The following STRADB variants were observed in gnomAD, a reference collection of about 807,000 sequenced individuals.
STRADB encodes the protein STE20-related kinase adapter protein beta.
STRADB carries 34 observed loss-of-function variants against 52.1 expected under a neutral mutation model. The observed-to-expected ratio is 0.65, with a 90% CI of 0.50 to 0.87. The LOEUF is 0.87. Ranked by LOEUF, STRADB falls within the 40% of genes least tolerant of loss-of-function variation. The pLI is 0.00. For missense variants in STRADB, 340 were observed against 483.9 expected, an observed-to-expected ratio of 0.70 and a Z score of 2.79; for synonymous variants, 133 against 174.5, an observed-to-expected ratio of 0.76 and a Z score of 1.87.
chr2:201,471,377 G>A (rs777579905), intron 4 of STRADB, among the ~76,000 whole-genome samples: 133 of 152,256 alleles, frequency 8.7e-4, no homozygotes, highest in Non-Finnish European at 1.5e-3. Context: ...ATTTAGAATG[G>A]CCTCCACAAC....
intron 2 of STRADB, among the ~76,000 whole-genome samples, chr2:201,458,228 T>C (rs1312431633): frequency 6.6e-6 from 1 of 152,204 alleles, no homozygotes; most frequent in African/African-American, 2.4e-5. Context: ...AACCATGGGT[T>C]AATATGCAGA....
At chr2:201,471,661 A>G (rs1371622571) in intron 4 of STRADB, among the ~76,000 whole-genome samples, 1 of 152,190 alleles carries the variant, frequency 6.6e-6, no homozygotes, top group African/African-American at 2.4e-5. Context: ...AAAATGCCAA[A>G]TTTAAAACAA....
chr2:201,479,977 A>T (rs1433314494), intron 11 of STRADB, 55 bp from the exon 12 acceptor site: 1 of 1,589,790 alleles, frequency 6.3e-7, no homozygotes, highest in Admixed American at 1.7e-5. Flanking sequence ...ATTGCTAACA[A>T]AACTGATATA....
At chr2:201,452,779 C>CGCCCTTTGGTT (rs1369842782) in intron 1 of STRADB, among the ~76,000 whole-genome samples, 4 of 152,172 alleles carry the variant, frequency 2.6e-5, no homozygotes, top group African/African-American at 9.7e-5. Flanking sequence ...CTAGAAGATG[C>CGCCCTTTGGTT]GCCCTTTGGT....
chr2:201,474,675 G>A lies in STRADB; in HGVS notation c.344G>A (p.Arg115Gln), dbSNP rs767850258. ...GCCGTGATTCTATCCCACTTTTTCC[G>A]GCATCCCAATATTACAACTTATTGG... ...QKAVILSHFF[R>Q]HPNITTYWTV... Residue 115 changes from arginine to glutamine, a missense_variant, in exon 6 of 12, where the codon CGG becomes CAG. Arg to Gln is a conservative substitution (Grantham distance 43). Coordinates refer to ENST00000194530, the MANE Select transcript of STRADB (RefSeq NM_018571.6). 7 of 1,611,010 alleles carry A rather than the reference G, an allele frequency of 4.3e-6. No homozygotes were observed. Among genetic ancestry groups the A allele is most frequent in the East Asian group, 2.2e-5 (1 of 44,772 alleles).
At chr2:201,459,613 C>G (rs1481329328) in intron 3 of STRADB, among the ~76,000 whole-genome samples, 1 of 152,156 alleles carries the variant, frequency 6.6e-6, no homozygotes, top group African/African-American at 2.4e-5. Flanking sequence ...TGTCTCTCAC[C>G]TGGGCTCTTG....
chr2:201,454,710 T>C, intron 1 of STRADB, 36 bp from the exon 2 acceptor site: 1 of 859,754 alleles, frequency 1.2e-6, no homozygotes, highest in Non-Finnish European at 1.7e-6. Context: ...GGAACTTTTA[T>C]GTGAATCTAA....
intron 3 of STRADB, among the ~76,000 whole-genome samples, chr2:201,465,620 GGTCATGGGCCCCCCAA>G (rs564830772): frequency 9.2e-5 from 14 of 152,346 alleles, no homozygotes; most frequent in Middle Eastern, 3.4e-3. Context: ...TGTCTCACTA[GGTCATGGGCCCCCCAA>G]GTCCACTGGC....
intron 3 of STRADB, among the ~76,000 whole-genome samples, chr2:201,465,441 A>G (rs1050001211): frequency 6.6e-6 from 1 of 152,128 alleles, no homozygotes; most frequent in Non-Finnish European, 1.5e-5. Flanking sequence ...CTGGTACCCT[A>G]TTCTACTGTG....
Position 201,454,774 on chromosome 2 carries a change from A to G in STRADB, c.-67A>G, listed in dbSNP as rs1952102462. ...GATATATCTGCATCTTGAAAGGAAG[A>G]TAAAACAAAAGCCTTCTTTGGAATA... On this transcript the variant is annotated 5_prime_UTR_variant, in exon 2 of 12. Transcript: ENST00000194530. 2.0e-6 allele frequency: 3 copies of G among 1,481,460 alleles called. No individual in the cohort carries two copies. Among genetic ancestry groups the G allele is most frequent in the Admixed American group, 4.0e-5 (2 of 49,774 alleles). 91.8% of individuals were successfully genotyped at this position (1,481,460 alleles called of 1,614,324 possible).
chr2:201,472,744 A>C, intron 4 of STRADB: 1 of 396,180 alleles, frequency 2.5e-6, no homozygotes, highest in Non-Finnish European at 4.5e-6. Context: ...CTGTTCCTAT[A>C]TCTTATTTTG....
intron 3 of STRADB, among the ~76,000 whole-genome samples, chr2:201,468,714 T>G (rs1479378567): frequency 6.6e-6 from 1 of 152,190 alleles, no homozygotes; most frequent in Non-Finnish European, 1.5e-5. Context: ...TTTCCAAGCC[T>G]GTGAATTATA....
intron 2 of STRADB, among the ~76,000 whole-genome samples, chr2:201,455,276 G>C (rs1374486438): frequency 6.6e-6 from 1 of 152,110 alleles, no homozygotes; most frequent in African/African-American, 2.4e-5. Flanking sequence ...TATATATGAG[G>C]TATAGCTGCC....
intron 3 of STRADB, among the ~76,000 whole-genome samples, chr2:201,466,500 G>A (rs965106198): frequency 3.9e-5 from 6 of 152,156 alleles, no homozygotes; most frequent in East Asian, 1.9e-4. Flanking sequence ...TTCCTTGTGC[G>A]CTCTCTGAGT....
At chr2:201,468,672 T>G (rs1284010204) in intron 3 of STRADB, among the ~76,000 whole-genome samples, 5 of 152,222 alleles carry the variant, frequency 3.3e-5, no homozygotes, top group Non-Finnish European at 7.3e-5. Context: ...GTTGTGATTT[T>G]AGTCCATCAC....
In STRADB at chr2:201,472,948, A is replaced by C; in HGVS notation, c.194-7A>C. On this transcript the variant is annotated splice_polypyrimidine_tract_variant and splice_region_variant and intron_variant, in intron 4 of 11. Coordinates refer to ENST00000194530, the MANE Select transcript of STRADB (RefSeq NM_018571.6). ...GTTACTAACATGAGTTTTATGTCTGATTACAGGAAGAGGATTTGACAACTT... is the reference window on the plus strand; with the variant it reads ...GTTACTAACATGAGTTTTATGTCTGCTTACAGGAAGAGGATTTGACAACTT... The C allele has an allele frequency of 1.3e-6, 2 of 1,595,592 alleles. No homozygotes were observed. The highest frequency in any genetic ancestry group is 2.3e-5 in the South Asian group (2 of 86,746).
chr2:201,468,349 C>A (rs1574287496), intron 3 of STRADB, among the ~76,000 whole-genome samples: 1 of 152,166 alleles, frequency 6.6e-6, no homozygotes, highest in Admixed American at 6.5e-5. Context: ...TTTTAAAGTG[C>A]CCATAATTCA....
chr2:201,452,284 C>T (rs1209188578), intron 1 of STRADB, among the ~76,000 whole-genome samples: 4 of 152,184 alleles, frequency 2.6e-5, no homozygotes, highest in Non-Finnish European at 5.9e-5. Context: ...GCCGCGCTCT[C>T]GGGCTTGGGG....
chr2:201,470,018 C>T lies in STRADB; in HGVS notation c.159C>T (p.Thr53=). Residue 53 remains threonine, a synonymous_variant, in exon 4 of 12, where the codon ACC becomes ACT. Transcript: ENST00000194530. ...GAGCCAGTGAAGTACTATGTTCCAC[C>T]AACGTTTCTCACTATGAGCTCCAAG... ...STRASEVLCS[T]NVSHYELQVE... is the part of the protein sequence containing the mutation. The T allele has an allele frequency of 6.2e-7, 1 of 1,613,946 alleles. No individual in the cohort carries two copies. Among genetic ancestry groups the T allele is most frequent in the Non-Finnish European group, 8.5e-7 (1 of 1,179,876 alleles).
Sources: allele counts gnomAD v4.1 joint callset (sites outside exome capture counted in the v4.1 genomes callset), GRCh38; gene constraint gnomAD v4.1.1; transcripts MANE v1.5; gene names NCBI Gene and HGNC (gene_info 2026-07-23, HGNC 2026-07-21).